WDR7: variants seen among roughly 807,000 people sequenced by gnomAD.
WDR7 encodes WD repeat-containing protein 7.
A neutral mutation model predicts 169.4 loss-of-function variants in WDR7; 46 were observed. The observed-to-expected ratio is 0.27, with a 90% CI of 0.21 to 0.35. WDR7 has a LOEUF of 0.35. WDR7 is among the 10% of genes least tolerant of loss of function. WDR7 has a pLI of 1.00. For synonymous variants in WDR7, 612 were observed against 666.8 expected (o/e 0.92, Z 1.27); for missense variants, 1,534 against 1,859.3 (o/e 0.83, Z 3.22).
At chr18:57,033,410 T>C (rs540154729), downstream of WDR7, 3 of 152,294 alleles carry the variant, frequency 2.0e-5, no homozygotes, top group African/African-American at 7.2e-5. Context: ...AGGACATTGG[T>C]AGATGCTGCC....
chr18:56,773,172 T>C (rs1290965785), intron 16 of WDR7, among the ~76,000 whole-genome samples: 1 of 152,170 alleles, frequency 6.6e-6, no homozygotes, highest in Non-Finnish European at 1.5e-5. Context: ...TGTAGATTAA[T>C]TTAATGAGGC....
chr18:56,731,228 A>C (rs1028638041), intron 13 of WDR7, among the ~76,000 whole-genome samples, 155 bp from the exon 14 acceptor site: 3 of 152,154 alleles, frequency 2.0e-5, no homozygotes, highest in Non-Finnish European at 2.9e-5. Flanking sequence ...ACTACATGGA[A>C]GATTGTTAGA....
chr18:56,858,951 A>G (rs1301579010), intron 20 of WDR7, among the ~76,000 whole-genome samples: 1 of 152,190 alleles, frequency 6.6e-6, no homozygotes, highest in African/African-American at 2.4e-5. Flanking sequence ...GGTAGATGCT[A>G]TGCCAAAAGA....
intron 26 of WDR7, among the ~76,000 whole-genome samples, chr18:56,987,766 G>C (rs1480789246): frequency 6.6e-6 from 1 of 152,100 alleles, no homozygotes. Context: ...AGGTTACTTT[G>C]TTAAAATCGT....
chr18:56,927,846 A>G (rs535592957), intron 22 of WDR7, among the ~76,000 whole-genome samples: 1 of 152,354 alleles, frequency 6.6e-6, no homozygotes, highest in African/African-American at 2.4e-5. Context: ...TGTCTTCAAG[A>G]CAGTTGCAGT....
At chr18:56,703,445 C>T (rs1047530110) in intron 12 of WDR7, among the ~76,000 whole-genome samples, 10 of 152,012 alleles carry the variant, frequency 6.6e-5, no homozygotes, top group African/African-American at 2.4e-4. Context: ...AATGTCTATA[C>T]CTATAGCTTA....
At chr18:56,782,867 C>T (rs143870936) in intron 19 of WDR7, among the ~76,000 whole-genome samples, 1,946 of 152,062 alleles carry the variant, frequency 0.013, 18 homozygotes, top group East Asian at 0.032. Flanking sequence ...TCAGTTTTAT[C>T]GCAGATGAAA....
chr18:56,912,794 C>T lies in WDR7; in HGVS notation c.3527-11128C>T, dbSNP rs576879741. Among the ~76,000 whole-genome samples, 121 of 152,250 alleles carry T rather than the reference C, an allele frequency of 7.9e-4. 3 individuals carry two copies. The highest frequency in any genetic ancestry group is 4.4e-3 in the Admixed American group (68 of 15,292). On this transcript the variant is annotated intron_variant, in intron 21 of 27. Coordinates refer to ENST00000254442, the MANE Select transcript of WDR7 (RefSeq NM_015285.3). The stretch of plus-strand genomic sequence containing the variant: ...CATTGCTTTTCAACCTGTAAAAGTT[C>T]TTCAGTATCTACATTAATTCTGTAG...
chr18:56,653,046 T>A (rs1383361824), intron 1 of WDR7, among the ~76,000 whole-genome samples: 2 of 152,210 alleles, frequency 1.3e-5, no homozygotes, highest in Non-Finnish European at 2.9e-5. Context: ...TTTTGTGTTT[T>A]CTTCGTGAGA....
chr18:56,927,815 G>A (rs1245555551), intron 22 of WDR7, among the ~76,000 whole-genome samples: 1 of 152,088 alleles, frequency 6.6e-6, no homozygotes, highest in Non-Finnish European at 1.5e-5. Context: ...CTCTGTAGTT[G>A]CAAATTTGAA....
chr18:56,660,914 T>C (rs2024891916), intron 1 of WDR7, among the ~76,000 whole-genome samples: 1 of 152,124 alleles, frequency 6.6e-6, no homozygotes, highest in South Asian at 2.1e-4. Context: ...AGGAGGGTAA[T>C]GTTACAAATG....
chr18:56,921,434 C>T (rs1461216524), intron 21 of WDR7, among the ~76,000 whole-genome samples: 1 of 152,146 alleles, frequency 6.6e-6, no homozygotes, highest in Non-Finnish European at 1.5e-5. Flanking sequence ...CTTTATGTTA[C>T]TTGGAGACTA....
intron 13 of WDR7, among the ~76,000 whole-genome samples, chr18:56,729,982 A>G (rs527497167): frequency 1.8e-4 from 28 of 152,042 alleles, no homozygotes; most frequent in Non-Finnish European, 3.4e-4. Context: ...ACCTATTTCA[A>G]TTTCTTTTCT....
At chr18:56,717,904 C>A in intron 12 of WDR7, 60 bp from the exon 13 acceptor site, 1 of 1,454,284 alleles carries the variant, frequency 6.9e-7, no homozygotes, top group Non-Finnish European at 9.1e-7. Flanking sequence ...TTATTGAAAA[C>A]AGGATCCATT....
chr18:56,799,315 A>C (rs1307874600), intron 19 of WDR7, among the ~76,000 whole-genome samples: 1 of 152,180 alleles, frequency 6.6e-6, no homozygotes, highest in Non-Finnish European at 1.5e-5. Flanking sequence ...TAAATGTAGA[A>C]TCTCTGTGAA....
At chr18:56,929,857 A>G (rs760333973) in intron 22 of WDR7, among the ~76,000 whole-genome samples, 1 of 152,226 alleles carries the variant, frequency 6.6e-6, no homozygotes, top group Admixed American at 6.5e-5. Context: ...TTGTTAGATC[A>G]GCATGGTCAT....
intron 26 of WDR7, among the ~76,000 whole-genome samples, chr18:56,965,666 G>GCC (rs2047398843): frequency 6.6e-6 from 1 of 152,062 alleles, no homozygotes; most frequent in Non-Finnish European, 1.5e-5. Context: ...TGTCAGAATT[G>GCC]AGTAGTTGTC....
At chr18:56,941,811 C>T (rs1318435929) in intron 25 of WDR7, among the ~76,000 whole-genome samples, 4 of 152,152 alleles carry the variant, frequency 2.6e-5, no homozygotes, top group Admixed American at 6.5e-5. Context: ...CAAAGATGTG[C>T]CCATTAGGTG....
At chr18:56,867,376 T>TCCTC (rs1249246409) in intron 20 of WDR7, among the ~76,000 whole-genome samples, 11 of 152,078 alleles carry the variant, frequency 7.2e-5, no homozygotes, top group African/African-American at 2.7e-4. Context: ...TTAAGTACAA[T>TCCTC]AATAGCCATC....
Sources: allele counts gnomAD v4.1 joint callset (sites outside exome capture counted in the v4.1 genomes callset), GRCh38; gene constraint gnomAD v4.1.1; transcripts MANE v1.5; gene names NCBI Gene and HGNC (gene_info 2026-07-23, HGNC 2026-07-21).